SNX22: variants seen among roughly 807,000 people sequenced by gnomAD.
SNX22 encodes the protein sorting nexin 22.
A neutral mutation model predicts 24.7 loss-of-function variants in SNX22; 23 were observed. The ratio of observed to expected loss-of-function variants is 0.93; its 90% CI spans 0.67 to 1.32. The LOEUF (loss-of-function observed/expected upper bound fraction) is 1.32, where lower values mean the gene tolerates loss of function less well. Among genes scored for constraint, SNX22 ranks in the 40% most tolerant of loss-of-function variants. The probability of loss-of-function intolerance (pLI) is 0.00; values close to 1 mark genes in which losing one functional copy is unlikely to be tolerated. For missense variants in SNX22, 261 were observed against 249.9 expected, an observed-to-expected ratio of 1.04 and a Z score of -0.30; for synonymous variants, 99 against 104.0, an observed-to-expected ratio of 0.95 and a Z score of 0.29.
chr15:64,152,099 C>T, intron 1 of SNX22, 144 bp from the exon 2 acceptor site: 2 of 864,948 alleles, frequency 2.3e-6, no homozygotes, highest in Non-Finnish European at 3.3e-6. Context: ...TGTGCGGGAG[C>T]GGAGAGTCCC....
intron 1 of SNX22, 175 bp downstream of exon 1, chr15:64,152,025 T>C (rs2140175423): frequency 2.6e-6 from 2 of 776,714 alleles, no homozygotes; most frequent in Non-Finnish European, 3.8e-6. Flanking sequence ...TCGCGGACCA[T>C]GGTTCGAGCT....
intron 6 of SNX22, 125 bp downstream of exon 6, chr15:64,154,127 C>CAG: frequency 6.2e-7 from 1 of 1,604,342 alleles, no homozygotes; most frequent in Non-Finnish European, 8.5e-7. Context: ...CCTCCTGCTC[C>CAG]TGTCCCCTGG....
chr15:64,156,217 C>A lies in SNX22; in HGVS notation c.*1709C>A. The A allele has an allele frequency of 5.7e-6, 9 of 1,590,834 alleles. No individual in the cohort carries two copies. The highest frequency in any genetic ancestry group is 1.7e-5 in the Admixed American group (1 of 57,850). On this transcript the variant is annotated 3_prime_UTR_variant, in exon 7 of 7. Coordinates refer to ENST00000325881, the MANE Select transcript of SNX22 (RefSeq NM_024798.3). This position sits in a 1 kb window ranked among gnomAD's most constrained non-coding sequence, Gnocchi z 6.4. ...CCACCGCTCAGGAGAAAGGCCCCAGCGTATGGCTCAGGAGGGCTAAGACCC... is the reference window on the plus strand; with the variant it reads ...CCACCGCTCAGGAGAAAGGCCCCAGAGTATGGCTCAGGAGGGCTAAGACCC...
intron 1 of SNX22, 87 bp downstream of exon 1, chr15:64,151,937 T>A: frequency 7.7e-7 from 1 of 1,293,278 alleles, no homozygotes; most frequent in Non-Finnish European, 1.0e-6. Flanking sequence ...GGCCCGGGCC[T>A]GGGTGAACGA....
rs540855873 is a variant in SNX22, at chr15:64,155,943, G to A, written c.*1435G>A. The A allele has an allele frequency of 2.0e-4, 329 of 1,606,420 alleles. 3 individuals are homozygous for A. The South Asian group carries it at 2.5e-3, about 12-fold the overall frequency. On this transcript the variant is annotated 3_prime_UTR_variant, in exon 7 of 7. Coordinates refer to ENST00000325881, the MANE Select transcript of SNX22 (RefSeq NM_024798.3). ...GTCCGCTCCACCAGATGCCAGCACC[G>A]GGGCCAGTGCAGCTCAGAGCCCTGT... is the stretch of plus-strand genomic sequence containing the variant.
chr15:64,152,705 TG>T lies in SNX22; in HGVS notation c.229del (p.Glu77AsnfsTer17), dbSNP rs1567342831. The T allele has an allele frequency of 6.2e-7, 1 of 1,614,178 alleles. No homozygotes were observed. Among genetic ancestry groups the T allele is most frequent in the South Asian group, 1.1e-5 (1 of 91,080 alleles). On this transcript the variant is annotated frameshift_variant, in exon 3 of 7. Coordinates refer to ENST00000325881, the MANE Select transcript of SNX22 (RefSeq NM_024798.3). LOFTEE classifies it high-confidence loss of function. ...CTGCCCAACTGGAGGACCAGAGGGT[TG>T]GAACAGCGCCGGCAGGGCTTGGAGG... The part of the protein sequence containing the change: ...KRLPNWRTRG[L>X]EQRRQGLEAY...
Position 64,154,964 on chromosome 15 carries a change from T to TC in SNX22, c.*456_*457insC, listed in dbSNP as rs1438062171. On this transcript the variant is annotated 3_prime_UTR_variant, in exon 7 of 7. Transcript: ENST00000325881. ...CTGAGGTAGGAGAATCTCTTTTTTT[T>TC]TTTTTTTTTTTTTTTTGAGACGGAG... is the stretch of plus-strand genomic sequence containing the variant. 4 of 146,166 alleles carry TC rather than the reference T, an allele frequency of 2.7e-5. No individual in the cohort carries two copies. Among genetic ancestry groups the TC allele is most frequent in the African/African-American group, 7.7e-5 (3 of 38,932 alleles). The allele number at this position is 146,166 out of a possible 1,614,324, so 9.1% of individuals were successfully genotyped here.
rs1445033654 is a variant in SNX22 at position 64,153,269 on chromosome 15, G to A, written c.289G>A (p.Val97Met). ...IQGILYLNQE[V>M]PKELLEFLRL... ...GGGCATCCTGTACCTGAACCAGGAG[G>A]TGCCCAAGGAGTTACTGGAATTCCT... Residue 97 changes from valine to methionine, a missense_variant, in exon 4 of 7, where the codon GTG becomes ATG. Val to Met is a conservative substitution (Grantham distance 21, BLOSUM62 1). Transcript: ENST00000325881. The A allele has an allele frequency of 3.1e-6, 5 of 1,614,214 alleles. No individual in the cohort carries two copies. Among genetic ancestry groups the A allele is most frequent in the Admixed American group, 1.7e-5 (1 of 60,032 alleles).
intron 5 of SNX22, 125 bp downstream of exon 5, chr15:64,153,809 C>T: frequency 1.3e-6 from 2 of 1,592,612 alleles, no homozygotes; most frequent in South Asian, 1.1e-5. Flanking sequence ...TTTGGTGCCT[C>T]CTGAGCCCAT....
At chr15:64,152,187 G>A (rs1488231027) in intron 1 of SNX22, 56 bp from the exon 2 acceptor site, 1 of 1,348,360 alleles carries the variant, frequency 7.4e-7, no homozygotes, top group Non-Finnish European at 9.5e-7. Context: ...CGCAGGTGCT[G>A]CGGCGTCCTC....
chr15:64,153,820 TTCCCAC>T (rs2081504939), intron 5 of SNX22, 109 bp from the exon 6 acceptor site: 2 of 1,593,160 alleles, frequency 1.3e-6, no homozygotes. Flanking sequence ...CTGAGCCCAT[TTCCCAC>T]TCACCTTTTC....
rs966283186 is a variant in SNX22, at chr15:64,154,687, G to A, written c.*179G>A. 6.8e-6 allele frequency: 5 copies of A among 739,014 alleles called. 1 individual carries two copies. In the South Asian group the frequency reaches 1.0e-4, roughly 15 times the overall value. The allele number at this position is 739,014 out of a possible 1,614,324, so 45.8% of individuals were successfully genotyped here. A position where few individuals can be genotyped will look rare whatever the true frequency, so the allele number is the denominator to read the frequency against. ...CTCGCATTGGTAGCTGGAGGTGGTA[G>A]AATTTGTATGCTCTTAGAGCCCAAC... On this transcript the variant is annotated 3_prime_UTR_variant, in exon 7 of 7. Coordinates refer to ENST00000325881, the MANE Select transcript of SNX22 (RefSeq NM_024798.3).
rs2081491820 is a variant in SNX22, at chr15:64,152,255, G to A, written c.88G>A (p.Glu30Lys). ...CCCGCGCCGCCAGGTGTTCCGAGTG[G>A]AGGTGCTGTGCAGCGGGCGCAGACA... is the stretch of plus-strand genomic sequence containing the variant. Reference protein sequence around the residue: ...PEKSHMVFRVEVLCSGRRHTV... With the variant: ...PEKSHMVFRVKVLCSGRRHTV... Residue 30 changes from glutamate (E) to lysine (K), a missense_variant, in exon 2 of 7, where the codon GAG becomes AAG. Transcript: ENST00000325881. 1.4e-6 allele frequency: 2 copies of A among 1,439,286 alleles called. No homozygotes were observed. Among genetic ancestry groups the A allele is most frequent in the African/African-American group, 3.0e-5 (2 of 66,936 alleles). The allele number at this position is 1,439,286 out of a possible 1,614,324, so 89.2% of individuals were successfully genotyped here. A position where few individuals can be genotyped will look rare whatever the true frequency, so the allele number is the denominator to read the frequency against.
rs774647449 is a variant in SNX22, at chr15:64,154,438, TCAGCATCAGCC to T, written c.516_526del (p.Ser172ArgfsTer2). 5.6e-6 allele frequency: 9 copies of T among 1,614,038 alleles called. No homozygotes were observed. Among genetic ancestry groups the T allele is most frequent in the Non-Finnish European group, 2.5e-6 (3 of 1,180,032 alleles). On this transcript the variant is annotated frameshift_variant, in exon 7 of 7. Transcript: ENST00000325881. LOFTEE classifies it low-confidence loss of function (END_TRUNC). ...GGTGTGCTCCAGGGCCTCTACAGCTTCAGCATCAGCCCAGATAAAGCCCAGCCAAAGGCGGC... is the reference window on the plus strand; with the variant it reads ...GGTGTGCTCCAGGGCCTCTACAGCTTCAGATAAAGCCCAGCCAAAGGCGGC...
chr15:64,151,832 C>T lies in SNX22; in HGVS notation c.57C>T (p.Ser19=). ...VGPEAEGPRQ[S]PEKSHMVFRV... ...CCGAGGCCGAGGGGCCCAGGCAGAG[C>T]CCGGAGAAAAGCCACATGGTGAGCG... Residue 19 remains serine, a synonymous_variant, in exon 1 of 7, where the codon AGC becomes AGT. Transcript: ENST00000325881. 2 of 1,537,874 alleles carry T rather than the reference C, an allele frequency of 1.3e-6. No individual in the cohort carries two copies. The highest frequency in any genetic ancestry group is 2.5e-5 in the East Asian group (1 of 40,006).
intron 4 of SNX22, 111 bp downstream of exon 4, chr15:64,153,450 C>A: frequency 6.4e-7 from 1 of 1,553,948 alleles, no homozygotes. Context: ...AGCATGACCG[C>A]CCTCACCAGC....
chr15:64,156,685 T>G lies in SNX22; in HGVS notation c.*2177T>G. 38 of 1,607,962 alleles carry G rather than the reference T, an allele frequency of 2.4e-5. No individual in the cohort carries two copies. Among genetic ancestry groups the G allele is most frequent in the Middle Eastern group, 1.7e-4 (1 of 6,052 alleles). ...CCTGGGGTCTGTGTTGAATCCCCGG[T>G]GAGGATTGCCCAGTAGTAGCCCTTG... On this transcript the variant is annotated 3_prime_UTR_variant, in exon 7 of 7. Coordinates refer to ENST00000325881, the MANE Select transcript of SNX22 (RefSeq NM_024798.3). This position sits in a 1 kb window ranked among gnomAD's most constrained non-coding sequence, Gnocchi z 6.4.
At chr15:64,152,944 C>G in intron 3 of SNX22, 2 of 610,408 alleles carry the variant, frequency 3.3e-6, no homozygotes, top group East Asian at 5.6e-5. Flanking sequence ...GTAACGGACA[C>G]AGGTAGTCCC....
In SNX22 at chr15:64,155,344, C is replaced by G. The variant is rs1053655309; in HGVS notation, c.*836C>G. The G allele has an allele frequency of 6.6e-6, 1 of 152,442 alleles. No individual in the cohort carries two copies. The highest frequency in any genetic ancestry group is 2.4e-5 in the African/African-American group (1 of 41,200). The allele number at this position is 152,442 out of a possible 1,614,324, so 9.4% of individuals were successfully genotyped here. ...CGCCACTGCACTCCAGCCTGGGCAACAAGAGTGAAACTCCGTCTCAAAATA... is the reference window on the plus strand; with the variant it reads ...CGCCACTGCACTCCAGCCTGGGCAAGAAGAGTGAAACTCCGTCTCAAAATA... On this transcript the variant is annotated 3_prime_UTR_variant, in exon 7 of 7. Transcript: ENST00000325881.
Sources: gnomAD v4.1 joint callset for allele counts on GRCh38, gnomAD v4.1.1 for gene constraint, Gnocchi (gnomAD v3.1) non-coding constraint, MANE v1.5 for transcripts, NCBI Gene and HGNC (gene_info 2026-07-23, HGNC 2026-07-21) for gene names.